Variants in CCDC192 observed in about 807,000 individuals in gnomAD.
The protein encoded by CCDC192 is coiled-coil domain-containing protein 192.
chr5:127,821,112 G>C (rs892122986), intron 5 of CCDC192, among the ~76,000 whole-genome samples: 5 of 152,172 alleles, frequency 3.3e-5, no homozygotes, highest in Non-Finnish European at 7.4e-5. Context: ...ACAGCTAGTG[G>C]TGTGCTGGTA....
intron 2 of CCDC192, among the ~76,000 whole-genome samples, chr5:127,752,417 G>T (rs1396514614): frequency 6.6e-6 from 1 of 152,202 alleles, no homozygotes; most frequent in Non-Finnish European, 1.5e-5. Flanking sequence ...CTCCCAGTTA[G>T]GCTGCTCGGG....
intron 2 of CCDC192, among the ~76,000 whole-genome samples, chr5:127,734,303 C>T (rs1373317562): frequency 6.6e-6 from 1 of 152,068 alleles, no homozygotes; most frequent in Non-Finnish European, 1.5e-5. Flanking sequence ...ATATCTGCCA[C>T]ATTTTCTTAA....
chr5:127,723,022 T>C (rs985118887), intron 2 of CCDC192, among the ~76,000 whole-genome samples: 1 of 152,228 alleles, frequency 6.6e-6, no homozygotes, highest in East Asian at 1.9e-4. Flanking sequence ...AGAGATTGCA[T>C]TGAATCCGTA....
intron 6 of CCDC192, among the ~76,000 whole-genome samples, chr5:127,908,980 A>G (rs1350249123): frequency 6.6e-6 from 1 of 152,212 alleles, no homozygotes; most frequent in Non-Finnish European, 1.5e-5. Context: ...TAACTTTATT[A>G]TTGTTCAATT....
intron 3 of CCDC192, among the ~76,000 whole-genome samples, chr5:127,794,158 A>G (rs1410557128): frequency 6.6e-6 from 1 of 152,114 alleles, no homozygotes; most frequent in Non-Finnish European, 1.5e-5. Context: ...TTATACGATA[A>G]CTGTTGCTAC....
At chr5:127,733,838 GTTTC>G (rs1414862821) in intron 2 of CCDC192, among the ~76,000 whole-genome samples, 3 of 142,378 alleles carry the variant, frequency 2.1e-5, no homozygotes, top group African/African-American at 2.6e-5. Context: ...CCACATTGAA[GTTTC>G]TTTTTTTTTT....
intron 6 of CCDC192, among the ~76,000 whole-genome samples, chr5:127,878,109 A>G: frequency 1.3e-5 from 2 of 152,168 alleles, no homozygotes; most frequent in Non-Finnish European, 2.9e-5. Context: ...CTGCATTGAG[A>G]CTTGATTCTC....
intron 5 of CCDC192, among the ~76,000 whole-genome samples, chr5:127,849,791 A>G (rs1019307023): frequency 6.6e-6 from 1 of 152,346 alleles, no homozygotes; most frequent in Non-Finnish European, 1.5e-5. Context: ...AACTAAATCA[A>G]GACTTACAGC....
intron 3 of CCDC192, chr5:127,785,427 T>C (rs943657590): frequency 2.8e-6 from 1 of 352,122 alleles, no homozygotes; most frequent in Non-Finnish European, 5.6e-6. Flanking sequence ...AAACATCCAC[T>C]GAAGTTTAGA....
intron 5 of CCDC192, 130 bp downstream of exon 5, chr5:127,798,292 A>T: frequency 2.6e-6 from 1 of 389,988 alleles, no homozygotes; most frequent in Non-Finnish European, 4.5e-6. Flanking sequence ...AAAAATGAGT[A>T]TTTTTACTGC....
intron 6 of CCDC192, among the ~76,000 whole-genome samples, chr5:127,903,535 G>A (rs758887850): frequency 3.3e-5 from 5 of 152,270 alleles, no homozygotes; most frequent in African/African-American, 9.6e-5. Context: ...GGGCCACCGC[G>A]CCCAGTCTTT....
intron 6 of CCDC192, among the ~76,000 whole-genome samples, chr5:127,924,878 C>T (rs1056184036): frequency 6.6e-6 from 1 of 152,142 alleles, no homozygotes; most frequent in Non-Finnish European, 1.5e-5. Flanking sequence ...TATCTTTCCC[C>T]ACTTTCCTTT....
At chr5:127,784,549 T>C (rs1756425645) in intron 3 of CCDC192, 3 of 422,908 alleles carry the variant, frequency 7.1e-6, no homozygotes, top group South Asian at 4.2e-5. Context: ...AAACTTGAGT[T>C]GTTTACATTC....
intron 5 of CCDC192, among the ~76,000 whole-genome samples, chr5:127,802,396 A>G (rs901695475): frequency 1.1e-4 from 17 of 152,170 alleles, no homozygotes; most frequent in Non-Finnish European, 1.9e-4. Context: ...TCATGTTGAC[A>G]ATGGGGACCT....
chr5:127,883,103 G>A (rs1457600273), intron 6 of CCDC192, among the ~76,000 whole-genome samples: 1 of 152,194 alleles, frequency 6.6e-6, no homozygotes, highest in Non-Finnish European at 1.5e-5. Context: ...AGGTTGATAT[G>A]TAGTCAAAAG....
intron 2 of CCDC192, among the ~76,000 whole-genome samples, chr5:127,723,096 G>A (rs111640390): frequency 3.9e-5 from 6 of 152,216 alleles, no homozygotes; most frequent in African/African-American, 1.4e-4. Context: ...AACATGGAAT[G>A]TTGTTTCCTT....
chr5:127,736,918 T>A (rs1214110541), intron 2 of CCDC192, among the ~76,000 whole-genome samples: 2 of 150,448 alleles, frequency 1.3e-5, no homozygotes, highest in African/African-American at 4.9e-5. Flanking sequence ...GTTTTTTGTG[T>A]CTCTATTTCC....
chr5:127,802,976 A>G (rs575178816), intron 5 of CCDC192, among the ~76,000 whole-genome samples: 1 of 152,340 alleles, frequency 6.6e-6, no homozygotes, highest in African/African-American at 2.4e-5. Context: ...ACAAAAGGTA[A>G]GGATCTCTTA....
At chr5:127,928,645 T>A (rs2127199449) in intron 6 of CCDC192, among the ~76,000 whole-genome samples, 1 of 152,104 alleles carries the variant, frequency 6.6e-6, no homozygotes, top group Non-Finnish European at 1.5e-5. Context: ...GTCATTATTC[T>A]GCCTACCACA....
Sources: gnomAD v4.1 joint callset for allele counts (sites outside exome capture counted in the v4.1 genomes callset) on GRCh38, gnomAD v4.1.1 for gene constraint, MANE v1.5 for transcripts, NCBI Gene and HGNC (gene_info 2026-07-23, HGNC 2026-07-21) for gene names.